The following NFIB variants were observed in gnomAD, a reference collection of about 807,000 sequenced individuals.
NFIB encodes the protein nuclear factor I B.
In NFIB, 11 loss-of-function variants were observed where a neutral mutation model predicts 61.5. The ratio of observed to expected loss-of-function variants is 0.18; its 90% CI spans 0.11 to 0.30. NFIB has a LOEUF of 0.30. Among genes scored for constraint, NFIB ranks in the 10% least tolerant of loss-of-function variants. NFIB has a pLI of 1.00. For missense variants in NFIB, 471 were observed against 608.9 expected, an observed-to-expected ratio of 0.77 and a Z score of 2.38; for synonymous variants, 260 against 216.5, an observed-to-expected ratio of 1.20 and a Z score of -1.76.
chr9:14,315,269 C>G (rs535170138), upstream of NFIB, among the ~76,000 whole-genome samples: 34 of 151,592 alleles, frequency 2.2e-4, no homozygotes, highest in African/African-American at 8.2e-4. Flanking sequence ...GCAGTCGCGG[C>G]GCGCGGCGCT....
chr9:14,515,113 G>A, the NFIB span, among the ~76,000 whole-genome samples: 4 of 152,048 alleles, frequency 2.6e-5, no homozygotes, highest in African/African-American at 7.2e-5. Flanking sequence ...CTGGGATGGC[G>A]GTTGTTAGAA....
At chr9:14,228,279 C>G (rs2052692039) in intron 2 of NFIB, among the ~76,000 whole-genome samples, 1 of 151,034 alleles carries the variant, frequency 6.6e-6, no homozygotes, top group African/African-American at 2.4e-5. Context: ...ACTGCAGCCT[C>G]CGCCTCCCAG....
intron 2 of NFIB, among the ~76,000 whole-genome samples, chr9:14,273,854 C>T (rs2057798584): frequency 1.3e-5 from 2 of 152,148 alleles, no homozygotes. Context: ...AGTCTCCTCC[C>T]AAGAGGCAGA....
intron 2 of NFIB, among the ~76,000 whole-genome samples, chr9:14,257,466 A>G (rs1256687616): frequency 6.6e-6 from 1 of 152,216 alleles, no homozygotes; most frequent in Non-Finnish European, 1.5e-5. Context: ...TAATAGAAAG[A>G]TAATTCTGGA....
At chr9:14,483,418 G>A in the NFIB span, among the ~76,000 whole-genome samples, 1 of 152,118 alleles carries the variant, frequency 6.6e-6, no homozygotes, top group Non-Finnish European at 1.5e-5. Flanking sequence ...TTGGTGAGGA[G>A]GACAAAAACA....
rs977763472 is a variant in NFIB, at chr9:14,083,317, A to C, written c.*4992T>G. On this transcript the variant is annotated 3_prime_UTR_variant, in exon 11 of 11. Coordinates refer to ENST00000380953, the MANE Select transcript of NFIB (RefSeq NM_001190737.2). ...AATCAGTGGTCCATGTTACCCCCCA[A>C]CTGCAGGGCTCCACTCCACCCACAC... 6 of 224,606 alleles carry C rather than the reference A, an allele frequency of 2.7e-5. No homozygotes were observed. Among genetic ancestry groups the C allele is most frequent in the Admixed American group, 1.7e-4 (3 of 17,438 alleles). 13.9% of individuals were successfully genotyped at this position (224,606 alleles called of 1,614,324 possible).
At chr9:14,229,428 T>C (rs1056549470) in intron 2 of NFIB, among the ~76,000 whole-genome samples, 2 of 152,168 alleles carry the variant, frequency 1.3e-5, no homozygotes, top group African/African-American at 4.8e-5. Flanking sequence ...TAGACATTAA[T>C]TGAGCACCAA....
chr9:14,403,439 T>A (rs148075220), upstream of NFIB, among the ~76,000 whole-genome samples: 1 of 152,186 alleles, frequency 6.6e-6, no homozygotes, highest in Admixed American at 6.5e-5. Context: ...CCAACATCCA[T>A]ATTTTGTAAT....
the NFIB span, among the ~76,000 whole-genome samples, chr9:14,440,421 T>C: frequency 6.6e-6 from 1 of 152,212 alleles, no homozygotes; most frequent in African/African-American, 2.4e-5. Flanking sequence ...GTTTTGTTAT[T>C]GGTGATTTTA....
the NFIB span, among the ~76,000 whole-genome samples, chr9:14,440,932 G>C: frequency 6.6e-6 from 1 of 152,148 alleles, no homozygotes; most frequent in Non-Finnish European, 1.5e-5. Flanking sequence ...GAAAGGTGTT[G>C]TGTAGAACAT....
chr9:14,370,413 A>T (rs2061346083), intron 1 of NFIB, among the ~76,000 whole-genome samples: 3 of 152,246 alleles, frequency 2.0e-5, no homozygotes, highest in African/African-American at 7.2e-5. Context: ...AAAATTGTAC[A>T]TTGGCTTTTT....
chr9:14,484,007 T>C, the NFIB span, among the ~76,000 whole-genome samples: 42 of 152,328 alleles, frequency 2.8e-4, no homozygotes, highest in African/African-American at 9.6e-4. Context: ...CAGTTTATAT[T>C]GAAGTGTGAA....
intron 2 of NFIB, among the ~76,000 whole-genome samples, chr9:14,184,096 A>AG (rs1348767045): frequency 5.2e-5 from 1 of 19,286 alleles, no homozygotes; most frequent in Non-Finnish European, 3.0e-3. Flanking sequence ...CTAATATCTA[A>AG]GCTTACCTAA....
intron 6 of NFIB, among the ~76,000 whole-genome samples, chr9:14,134,907 A>AAAAAAAAAAAAAAAAAAAAAC (rs1563820775): frequency 1.6e-5 from 2 of 125,956 alleles, no homozygotes; most frequent in African/African-American, 6.0e-5. Flanking sequence ...CAAAAAAAAA[A>AAAAAAAAAAAAAAAAAAAAAC]AAAAAAAAAA....
the NFIB span, among the ~76,000 whole-genome samples, chr9:14,513,361 G>A: frequency 6.6e-6 from 1 of 151,968 alleles, no homozygotes; most frequent in Non-Finnish European, 1.5e-5. Context: ...CGGGTGTGGT[G>A]GCTCACGCCT....
chr9:14,509,129 T>A, the NFIB span, among the ~76,000 whole-genome samples: 1 of 152,346 alleles, frequency 6.6e-6, no homozygotes, highest in Non-Finnish European at 1.5e-5. Context: ...TGGACACTGA[T>A]GTTGGTGGTG....
At chr9:14,449,347 A>C in the NFIB span, among the ~76,000 whole-genome samples, 1 of 152,068 alleles carries the variant, frequency 6.6e-6, no homozygotes, top group African/African-American at 2.4e-5. Context: ...CCTATGCACC[A>C]CTCCACATAT....
chr9:14,504,477 A>G, the NFIB span, among the ~76,000 whole-genome samples: 8 of 152,188 alleles, frequency 5.3e-5, no homozygotes, highest in Middle Eastern at 3.4e-3. Context: ...ATGTGTTTCC[A>G]TTTGTTTGTG....
At chr9:14,270,407 T>C (rs2057508393) in intron 2 of NFIB, among the ~76,000 whole-genome samples, 1 of 151,824 alleles carries the variant, frequency 6.6e-6, no homozygotes. Flanking sequence ...ACATGCTAAT[T>C]TGAAAGACAG....
Sources: gnomAD v4.1 joint callset for allele counts (sites outside exome capture counted in the v4.1 genomes callset) on GRCh38, gnomAD v4.1.1 for gene constraint, MANE v1.5 for transcripts, NCBI Gene and HGNC (gene_info 2026-07-23, HGNC 2026-07-21) for gene names.